RAP1GAP2: variants seen among roughly 807,000 people sequenced by gnomAD.
RAP1GAP2 encodes the protein RAP1 GTPase activating protein 2.
RAP1GAP2 carries 27 observed loss-of-function variants against 95.0 expected under a neutral mutation model. The observed-to-expected ratio is 0.28, with a 90% confidence interval of 0.21 to 0.39. The LOEUF (loss-of-function observed/expected upper bound fraction) is 0.39. Among genes scored for constraint, RAP1GAP2 ranks in the 10% least tolerant of loss-of-function variants. The pLI is 1.00. For synonymous variants in RAP1GAP2, 373 were observed against 380.9 expected, an observed-to-expected ratio of 0.98 and a Z score of 0.24; for missense variants, 771 against 970.0, an observed-to-expected ratio of 0.79 and a Z score of 2.72.
At position 2,933,682 on chromosome 17, in the gene RAP1GAP2, G is replaced by C. The variant is rs117409797; in HGVS notation, c.166-24077G>C. Among the ~76,000 whole-genome samples, 405 of 152,346 alleles carry C rather than the reference G, an allele frequency of 2.7e-3. 2 individuals are homozygous for C. The highest frequency in any genetic ancestry group is 0.015 in the South Asian group (73 of 4,826). ...CCTGGGCTGTTCCCTCTCCTAGAAT[G>C]CCTAACCCTCTAGTTGACCCTGTTA... is the stretch of plus-strand genomic sequence containing the variant. On this transcript the variant is annotated intron_variant, in intron 3 of 24. Coordinates refer to ENST00000254695, the MANE Select transcript of RAP1GAP2 (RefSeq NM_015085.5).
intron 19 of RAP1GAP2, among the ~76,000 whole-genome samples, chr17:3,021,516 C>T (rs1027288569): frequency 6.9e-6 from 1 of 145,484 alleles, no homozygotes; most frequent in African/African-American, 2.5e-5. Context: ...CTCACTGCAA[C>T]CTCTGCCTCC....
intron 2 of RAP1GAP2, among the ~76,000 whole-genome samples, chr17:2,837,327 A>G (rs1387059047): frequency 6.6e-6 from 1 of 151,634 alleles, no homozygotes; most frequent in African/African-American, 2.4e-5. Flanking sequence ...CCCAAAGCTC[A>G]GGCTGGGTAG....
chr17:2,943,047 G>A (rs1015499606), intron 3 of RAP1GAP2, among the ~76,000 whole-genome samples: 2 of 152,086 alleles, frequency 1.3e-5, no homozygotes, highest in African/African-American at 2.4e-5. Flanking sequence ...GGGATTACAG[G>A]TGTGAACCAC....
In RAP1GAP2 at chr17:2,903,853, G is replaced by A. The variant is rs1279226901; in HGVS notation, c.81-1431G>A. Among the ~76,000 whole-genome samples the A allele has an allele frequency of 2.0e-5, 3 of 152,206 alleles. No homozygotes were observed. Among genetic ancestry groups the A allele is most frequent in the Non-Finnish European group, 2.9e-5 (2 of 68,044 alleles). ...GCCTGGTCCTGCTCCGTGGGCTCAGGGAGCCAGGCAGGATGGGGTCTGGGC... is the reference window on the plus strand; with the variant it reads ...GCCTGGTCCTGCTCCGTGGGCTCAGAGAGCCAGGCAGGATGGGGTCTGGGC... On this transcript the variant is annotated intron_variant, in intron 2 of 24. Transcript: ENST00000254695. This position sits in a 1 kb window ranked among gnomAD's most constrained non-coding sequence, Gnocchi z 4.1.
Position 2,931,687 on chromosome 17 carries a change from C to T in RAP1GAP2, c.166-26072C>T, listed in dbSNP as rs147598549. 4.6e-3 allele frequency among the ~76,000 whole-genome samples: 702 copies of T among 152,292 alleles called. 8 individuals carry two copies. Among genetic ancestry groups the T allele is most frequent in the African/African-American group, 0.016 (653 of 41,570 alleles). ...ACTGACTGTTAGAATCACTCGGGAC[C>T]GAAGCACTTATTTAAGTAATCATTA... On this transcript the variant is annotated intron_variant, in intron 3 of 24. Coordinates refer to ENST00000254695, the MANE Select transcript of RAP1GAP2 (RefSeq NM_015085.5).
chr17:2,939,925 C>G (rs1180565030), intron 3 of RAP1GAP2, among the ~76,000 whole-genome samples: 1 of 152,258 alleles, frequency 6.6e-6, no homozygotes, highest in Non-Finnish European at 1.5e-5. Flanking sequence ...ACACCCGAGT[C>G]CTGTAGTTCC....
chr17:3,007,781 C>T (rs577855531), intron 16 of RAP1GAP2, among the ~76,000 whole-genome samples: 3 of 152,116 alleles, frequency 2.0e-5, no homozygotes, highest in East Asian at 1.9e-4. Flanking sequence ...AGTGGTGGGA[C>T]GACCCAGGGA....
At chr17:2,890,992 T>C (rs2073695505) in intron 2 of RAP1GAP2, among the ~76,000 whole-genome samples, 1 of 152,066 alleles carries the variant, frequency 6.6e-6, no homozygotes, top group South Asian at 2.1e-4. Flanking sequence ...GACCAATGTT[T>C]ACTTTTTATG....
intron 3 of RAP1GAP2, among the ~76,000 whole-genome samples, chr17:2,921,716 C>CGGGGCCGTTAAGGTGTCCGT (rs2042782973): frequency 1.8e-5 from 1 of 54,764 alleles, no homozygotes; most frequent in Non-Finnish European, 3.1e-5. Context: ...TATGTGTCCA[C>CGGGGCCGTTAAGGTGTCCGT]AGGGCCGTTA....
intron 2 of RAP1GAP2, among the ~76,000 whole-genome samples, chr17:2,812,111 A>T (rs1044122951): frequency 3.3e-5 from 5 of 152,008 alleles, no homozygotes; most frequent in Non-Finnish European, 7.4e-5. Flanking sequence ...AGTCAGCCGG[A>T]CCCTCTGCTC....
At chr17:2,798,704 G>C (rs7217135) in intron 1 of RAP1GAP2, among the ~76,000 whole-genome samples, 1 of 151,712 alleles carries the variant, frequency 6.6e-6, no homozygotes, top group African/African-American at 2.4e-5. Flanking sequence ...CTTCCTGAAA[G>C]GGAAAGGCCC....
At chr17:2,947,755 C>T (rs538891451) in intron 3 of RAP1GAP2, among the ~76,000 whole-genome samples, 139 of 151,816 alleles carry the variant, frequency 9.2e-4, no homozygotes, top group Non-Finnish European at 1.6e-3. Flanking sequence ...GGTCAGACGA[C>T]ATGGGACACA....
At chr17:2,967,233 T>A (rs943739003) in intron 8 of RAP1GAP2, among the ~76,000 whole-genome samples, 8 of 151,882 alleles carry the variant, frequency 5.3e-5, no homozygotes, top group East Asian at 1.9e-4. Context: ...TAGCTGGGCG[T>A]GGTGGCGGGT....
chr17:2,978,083 T>G (rs1219850727), intron 8 of RAP1GAP2, among the ~76,000 whole-genome samples: 1 of 152,214 alleles, frequency 6.6e-6, no homozygotes, highest in Admixed American at 6.5e-5. Flanking sequence ...TGGGCATAAC[T>G]TTTGCAGTTT....
upstream of RAP1GAP2, among the ~76,000 whole-genome samples, chr17:2,773,064 G>A (rs2068429369): frequency 6.6e-6 from 1 of 151,886 alleles, no homozygotes; most frequent in Admixed American, 6.6e-5. Flanking sequence ...CACTATGTTG[G>A]CTAGGCTGGT....
At chr17:2,807,246 C>T (rs1363067568) in intron 2 of RAP1GAP2, among the ~76,000 whole-genome samples, 2 of 152,212 alleles carry the variant, frequency 1.3e-5, no homozygotes, top group Non-Finnish European at 2.9e-5. Context: ...AAGGCCACAC[C>T]TACCAATTCA....
chr17:2,894,102 C>A (rs1481597280), intron 2 of RAP1GAP2, among the ~76,000 whole-genome samples: 1 of 150,434 alleles, frequency 6.6e-6, no homozygotes, highest in Admixed American at 6.7e-5. Flanking sequence ...ATGGCGAAAC[C>A]CCGTCTCAAC....
chr17:2,817,012 G>T, intron 2 of RAP1GAP2, among the ~76,000 whole-genome samples: 1 of 99,694 alleles, frequency 1.0e-5, no homozygotes, highest in African/African-American at 3.3e-5. Flanking sequence ...TTTTGAGATG[G>T]GGTCTTGCTC....
At chr17:2,910,978 C>T (rs563816282) in intron 3 of RAP1GAP2, among the ~76,000 whole-genome samples, 18 of 152,344 alleles carry the variant, frequency 1.2e-4, no homozygotes, top group East Asian at 3.9e-4. Flanking sequence ...AGATGACAGG[C>T]GTGAGCCACT....
Sources: allele counts gnomAD v4.1 joint callset (sites outside exome capture counted in the v4.1 genomes callset), GRCh38; gene constraint gnomAD v4.1.1; non-coding constraint Gnocchi (gnomAD v3.1); transcripts MANE v1.5; gene names NCBI Gene and HGNC (gene_info 2026-07-23, HGNC 2026-07-21).